Variants in HS2ST1 observed in about 807,000 individuals in gnomAD.
The protein encoded by HS2ST1 is heparan sulfate 2-O-sulfotransferase 1.
HS2ST1 carries 18 observed loss-of-function variants against 42.9 expected under a neutral mutation model. That is an observed-to-expected ratio of 0.42 (90% CI 0.29 to 0.62). The LOEUF (loss-of-function observed/expected upper bound fraction) is 0.62. HS2ST1 is among the 20% of genes least tolerant of loss of function. HS2ST1 has a pLI of 0.21. For missense variants in HS2ST1, 334 were observed against 433.8 expected, an observed-to-expected ratio of 0.77 and a Z score of 2.04; for synonymous variants, 146 against 152.9, an observed-to-expected ratio of 0.95 and a Z score of 0.33.
intron 1 of HS2ST1, among the ~76,000 whole-genome samples, chr1:86,950,397 C>T (rs751259758): frequency 1.6e-4 from 24 of 152,126 alleles, no homozygotes; most frequent in Non-Finnish European, 3.1e-4. Flanking sequence ...GACAGACAGA[C>T]AGACAGAAAG....
intron 4 of HS2ST1, among the ~76,000 whole-genome samples, chr1:87,095,118 T>G (rs1652031092): frequency 1.3e-5 from 2 of 152,124 alleles, no homozygotes; most frequent in Non-Finnish European, 2.9e-5. Flanking sequence ...TGCAAATAAC[T>G]CCTTAATATC....
intron 1 of HS2ST1, among the ~76,000 whole-genome samples, chr1:87,020,266 G>T (rs563059056): frequency 6.6e-6 from 1 of 152,158 alleles, no homozygotes; most frequent in Non-Finnish European, 1.5e-5. Context: ...ATGGCTCCTG[G>T]AGTGTCAGGT....
chr1:86,918,135 T>G (rs762986323), intron 1 of HS2ST1, among the ~76,000 whole-genome samples: 3 of 152,178 alleles, frequency 2.0e-5, no homozygotes, highest in Non-Finnish European at 4.4e-5. Flanking sequence ...ATGGTGAGAC[T>G]TCTAATAGAG....
chr1:86,974,117 A>G (rs1323081173), intron 1 of HS2ST1, among the ~76,000 whole-genome samples: 3 of 152,024 alleles, frequency 2.0e-5, no homozygotes, highest in Non-Finnish European at 2.9e-5. Flanking sequence ...TTGGGGTGAT[A>G]GTAGAGTCTT....
At chr1:86,943,931 C>T (rs1216068152) in intron 1 of HS2ST1, among the ~76,000 whole-genome samples, 1 of 151,832 alleles carries the variant, frequency 6.6e-6, no homozygotes, top group African/African-American at 2.4e-5. Flanking sequence ...GAGGCTGAGG[C>T]AGGAGAATCG....
At chr1:86,965,718 A>T (rs890852016) in intron 1 of HS2ST1, among the ~76,000 whole-genome samples, 4 of 152,084 alleles carry the variant, frequency 2.6e-5, no homozygotes, top group Admixed American at 2.6e-4. Flanking sequence ...TGACCCTTGG[A>T]ATCCTGAAGG....
At chr1:87,071,457 G>T (rs989952967) in intron 1 of HS2ST1, among the ~76,000 whole-genome samples, 1 of 152,206 alleles carries the variant, frequency 6.6e-6, no homozygotes, top group Admixed American at 6.5e-5. Context: ...ATAGCCGGGC[G>T]TAGGGGCTCA....
At chr1:86,986,439 G>A (rs912627559) in intron 1 of HS2ST1, among the ~76,000 whole-genome samples, 17 of 152,232 alleles carry the variant, frequency 1.1e-4, no homozygotes, top group African/African-American at 3.4e-4. Flanking sequence ...AGAATAATCC[G>A]CCTCCCTGCA....
rs1340093603 is a variant in HS2ST1 at position 87,106,122 on chromosome 1, A to G, written c.*1426A>G. The G allele has an allele frequency of 6.6e-6, 1 of 152,526 alleles. No homozygotes were observed. The highest frequency in any genetic ancestry group is 1.5e-5 in the Non-Finnish European group (1 of 67,940). The allele number at this position is 152,526 out of a possible 1,614,324, so 9.4% of individuals were successfully genotyped here. On this transcript the variant is annotated 3_prime_UTR_variant, in exon 7 of 7. Coordinates refer to ENST00000370550, the MANE Select transcript of HS2ST1 (RefSeq NM_012262.4). The stretch of plus-strand genomic sequence containing the variant: ...AAGGTATTATAGAAACATCTTTAAC[A>G]TATAGTTTCATACCATTCATTTTTT...
In HS2ST1 at chr1:87,012,601, C is replaced by T. The variant is rs1311743301; in HGVS notation, c.125-60333C>T. ...CACAGCCAAACCATATCATTCTGCC[C>T]CTGGCCCCTCCCAAATCTCATGTCC... On this transcript the variant is annotated intron_variant, in intron 1 of 6. Coordinates refer to ENST00000370550, the MANE Select transcript of HS2ST1 (RefSeq NM_012262.4). 2.6e-5 allele frequency among the ~76,000 whole-genome samples: 4 copies of T among 152,106 alleles called. No individual in the cohort carries two copies. The East Asian group carries it at 7.7e-4, about 29-fold the overall frequency.
intron 1 of HS2ST1, among the ~76,000 whole-genome samples, chr1:87,015,378 C>T (rs1330117383): frequency 8.1e-6 from 1 of 123,494 alleles, no homozygotes; most frequent in African/African-American, 3.0e-5. Context: ...GACAGAGTCT[C>T]GTTCCGTGGC....
chr1:87,024,924 A>G (rs1174985940), intron 1 of HS2ST1, among the ~76,000 whole-genome samples: 1 of 152,244 alleles, frequency 6.6e-6, no homozygotes, highest in Non-Finnish European at 1.5e-5. Flanking sequence ...AAATGCCTAT[A>G]TAACAATCAT....
intron 1 of HS2ST1, among the ~76,000 whole-genome samples, chr1:86,931,872 G>A (rs949699158): frequency 4.6e-5 from 7 of 151,120 alleles, no homozygotes; most frequent in African/African-American, 1.2e-4. Flanking sequence ...AAAATAACAC[G>A]GTGCATTGAA....
intron 1 of HS2ST1, among the ~76,000 whole-genome samples, chr1:86,943,803 A>G (rs1647234481): frequency 6.6e-6 from 1 of 152,122 alleles, no homozygotes; most frequent in South Asian, 2.1e-4. Context: ...AGGCAGGTGG[A>G]TTACCTGAGA....
At chr1:86,954,383 C>T (rs749312637) in intron 1 of HS2ST1, among the ~76,000 whole-genome samples, 12 of 152,006 alleles carry the variant, frequency 7.9e-5, no homozygotes, top group Admixed American at 2.6e-4. Context: ...AGTGCATTGA[C>T]GTGAAGTGCA....
At chr1:86,943,126 AG>A (rs1403029056) in intron 1 of HS2ST1, among the ~76,000 whole-genome samples, 1 of 152,234 alleles carries the variant, frequency 6.6e-6, no homozygotes, top group Non-Finnish European at 1.5e-5. Flanking sequence ...TTTTAAAAAA[AG>A]TATTGGTTTA....
chr1:87,046,633 G>A lies in HS2ST1; in HGVS notation c.125-26301G>A, dbSNP rs922291418. On this transcript the variant is annotated intron_variant, in intron 1 of 6. Coordinates refer to ENST00000370550, the MANE Select transcript of HS2ST1 (RefSeq NM_012262.4). The stretch of plus-strand genomic sequence containing the variant: ...AAGTACAAAGTCAAGGAGAAGAAAC[G>A]AATGCATCAGATCAACAGAATGAAC... 1.0e-5 allele frequency: 16 copies of A among 1,554,886 alleles called. No individual in the cohort carries two copies. The East Asian group carries it at 1.4e-4, about 13-fold the overall frequency.
rs1047895505 is a variant in HS2ST1, at chr1:87,046,236, A to G, written c.125-26698A>G. On this transcript the variant is annotated intron_variant, in intron 1 of 6. Transcript: ENST00000370550. ...TGGGTATCTTGGACAAGTAACTACT[A>G]TCAAAGAGGGTGTGACCAAGTGTTA... 1.8e-5 allele frequency: 15 copies of G among 831,624 alleles called. No individual in the cohort carries two copies. The Middle Eastern group carries it at 7.0e-4, about 39-fold the overall frequency. 51.5% of individuals were successfully genotyped at this position (831,624 alleles called of 1,614,324 possible).
intron 1 of HS2ST1, among the ~76,000 whole-genome samples, chr1:87,055,050 C>A (rs1201777282): frequency 2.0e-5 from 3 of 152,112 alleles, no homozygotes; most frequent in Non-Finnish European, 2.9e-5. Flanking sequence ...TCTGGAAATT[C>A]ATGGGGCTGG....
Sources: gnomAD v4.1 joint callset for allele counts (sites outside exome capture counted in the v4.1 genomes callset) on GRCh38, gnomAD v4.1.1 for gene constraint, MANE v1.5 for transcripts, NCBI Gene and HGNC (gene_info 2026-07-23, HGNC 2026-07-21) for gene names.